RPTOR: variants seen among roughly 807,000 people sequenced by gnomAD.
RPTOR encodes regulatory associated protein of MTOR complex 1, also known as regulatory-associated protein of mTOR.
A neutral mutation model predicts 169.9 loss-of-function variants in RPTOR; 21 were observed. The observed-to-expected ratio is 0.12, with a 90% CI of 0.09 to 0.18. RPTOR has a LOEUF of 0.18. Among genes scored for constraint, RPTOR ranks in the 10% least tolerant of loss-of-function variants. The pLI, the probability that RPTOR is intolerant of heterozygous loss-of-function variation, is 1.00. For missense variants in RPTOR, 1,133 were observed against 1,855.9 expected (o/e 0.61, Z 7.16); for synonymous variants, 732 against 753.2 (o/e 0.97, Z 0.46).
At chr17:80,571,622 T>C (rs143313235) in intron 1 of RPTOR, among the ~76,000 whole-genome samples, 12 of 151,088 alleles carry the variant, frequency 7.9e-5, no homozygotes, top group Admixed American at 3.3e-4. Context: ...CTGGGCTCAA[T>C]TGATCCTCTC....
intron 1 of RPTOR, among the ~76,000 whole-genome samples, chr17:80,558,446 T>C (rs2084438382): frequency 6.6e-6 from 1 of 152,244 alleles, no homozygotes; most frequent in Non-Finnish European, 1.5e-5. Flanking sequence ...GCTGTCGGTA[T>C]ATTTTTCAGG....
At chr17:80,613,057 GTAAGATGAAGGCC>G (rs1033865918) in intron 1 of RPTOR, among the ~76,000 whole-genome samples, 1 of 152,188 alleles carries the variant, frequency 6.6e-6, no homozygotes, top group African/African-American at 2.4e-5. Context: ...TGCATCTCCT[GTAAGATGAAGGCC>G]CCCCTGCCCT....
intron 28 of RPTOR, among the ~76,000 whole-genome samples, chr17:80,952,752 G>A (rs1193591933): frequency 6.6e-6 from 1 of 152,088 alleles, no homozygotes. Flanking sequence ...GAGTCACCAG[G>A]AGGATCGTGC....
At chr17:80,810,821 G>C (rs1215143621) in intron 7 of RPTOR, among the ~76,000 whole-genome samples, 2 of 152,104 alleles carry the variant, frequency 1.3e-5, no homozygotes, top group African/African-American at 4.8e-5. Flanking sequence ...TGGTGCCTTG[G>C]AGCTTTATCT....
At chr17:80,584,466 C>T (rs993087488) in intron 1 of RPTOR, among the ~76,000 whole-genome samples, 3 of 152,026 alleles carry the variant, frequency 2.0e-5, no homozygotes, top group Non-Finnish European at 2.9e-5. Flanking sequence ...TCCTGACCAC[C>T]GAGAACAAAG....
In RPTOR at chr17:80,632,089, C is replaced by G. The variant is rs547131295; in HGVS notation, c.265+6296C>G. ...CTTCCAGGCTGCTTGTCCCCCACACCCCATGATGGAGCAGCTGTGTTTTGT... is the reference window on the plus strand; with the variant it reads ...CTTCCAGGCTGCTTGTCCCCCACACGCCATGATGGAGCAGCTGTGTTTTGT... On this transcript the variant is annotated intron_variant, in intron 2 of 33. Coordinates refer to ENST00000306801, the MANE Select transcript of RPTOR (RefSeq NM_020761.3). 1.4e-4 allele frequency among the ~76,000 whole-genome samples: 22 copies of G among 152,294 alleles called. No homozygotes were observed. In the East Asian group the frequency reaches 2.5e-3, roughly 17 times the overall value.
intron 1 of RPTOR, among the ~76,000 whole-genome samples, chr17:80,587,232 T>C (rs1276439651): frequency 6.6e-6 from 1 of 152,262 alleles, no homozygotes; most frequent in Non-Finnish European, 1.5e-5. Flanking sequence ...TTTTATCAAC[T>C]GTTTGTGCAT....
Position 80,786,154 on chromosome 17 carries a change from C to T in RPTOR, c.831-5296C>T, listed in dbSNP as rs1213647318. 2.0e-5 allele frequency among the ~76,000 whole-genome samples: 3 copies of T among 152,318 alleles called. No individual in the cohort carries two copies. The East Asian group carries it at 5.8e-4, about 29-fold the overall frequency. ...GGAGAGTGAAAGTTAGACTGACGCA[C>T]TTTTGCGTGACACATGTCTGTATGA... On this transcript the variant is annotated intron_variant, in intron 6 of 33. Transcript: ENST00000306801.
chr17:80,731,147 G>A lies in RPTOR; in HGVS notation c.654+441G>A, dbSNP rs2066389418. ...GTGTGCCTCAGCCTGCAAAGTTCTG[G>A]GATTACAGGCTTGAGCACTGAGCCC... On this transcript the variant is annotated intron_variant, in intron 5 of 33. Transcript: ENST00000306801. 2.6e-5 allele frequency among the ~76,000 whole-genome samples: 4 copies of A among 152,054 alleles called. No individual in the cohort carries two copies. The South Asian group carries it at 8.3e-4, about 32-fold the overall frequency.
At chr17:80,798,484 C>T (rs1213251373) in intron 7 of RPTOR, among the ~76,000 whole-genome samples, 1 of 152,034 alleles carries the variant, frequency 6.6e-6, no homozygotes, top group East Asian at 1.9e-4. Context: ...CTTGGGACAC[C>T]AGTCCCTCAG....
At chr17:80,923,910 C>T (rs752876110) in intron 23 of RPTOR, 2 of 547,150 alleles carry the variant, frequency 3.7e-6, no homozygotes, top group Non-Finnish European at 6.4e-6. Context: ...GGTCCCTCTG[C>T]CTGCACTCTT....
At chr17:80,580,543 G>T (rs2065005303) in intron 1 of RPTOR, among the ~76,000 whole-genome samples, 1 of 152,230 alleles carries the variant, frequency 6.6e-6, no homozygotes, top group African/African-American at 2.4e-5. Context: ...ATATGTTTAT[G>T]GGTCAGTTTC....
intron 3 of RPTOR, among the ~76,000 whole-genome samples, chr17:80,655,700 G>A (rs1391696191): frequency 1.3e-5 from 2 of 151,984 alleles, no homozygotes; most frequent in Non-Finnish European, 2.9e-5. Flanking sequence ...TCAGCCTCAG[G>A]AGTATGTAGG....
At chr17:80,683,866 C>A (rs560381996) in intron 3 of RPTOR, among the ~76,000 whole-genome samples, 2 of 152,296 alleles carry the variant, frequency 1.3e-5, no homozygotes, top group East Asian at 3.9e-4. Context: ...CAAGTCCTGG[C>A]ATCAGCCACG....
At chr17:80,769,536 A>G (rs1474607259) in intron 6 of RPTOR, among the ~76,000 whole-genome samples, 3 of 152,190 alleles carry the variant, frequency 2.0e-5, no homozygotes, top group African/African-American at 7.2e-5. Context: ...TATGAGACAC[A>G]GTCCCTGTGT....
At chr17:80,795,563 A>T (rs1202910932) in intron 7 of RPTOR, among the ~76,000 whole-genome samples, 12 of 146,612 alleles carry the variant, frequency 8.2e-5, no homozygotes, top group African/African-American at 2.5e-4. Context: ...CTAAAGGTTT[A>T]TTTTTTTTTT....
intron 3 of RPTOR, among the ~76,000 whole-genome samples, chr17:80,683,194 T>C (rs1355412500): frequency 2.0e-5 from 3 of 152,234 alleles, no homozygotes; most frequent in South Asian, 2.1e-4. Context: ...CACGGCTTTT[T>C]GATGGCACTT....
rs1256617653 is a variant in RPTOR at position 80,957,365 on chromosome 17, C to T, written c.3371-259C>T. ...CTTAGAACTGTCACCCCAGCCTGGA[C>T]TTGGGAGTTCCAGCTCAGAATTGTC... On this transcript the variant is annotated intron_variant, in intron 28 of 33. Transcript: ENST00000306801. This position sits in a 1 kb window ranked among gnomAD's most constrained non-coding sequence, Gnocchi z 4.6. Among the ~76,000 whole-genome samples, 2 of 152,014 alleles carry T rather than the reference C, an allele frequency of 1.3e-5. No homozygotes were observed. The highest frequency in any genetic ancestry group is 2.4e-5 in the African/African-American group (1 of 41,360).
At chr17:80,760,300 CTTTTTTCTTTTT>C (rs1162158807) in intron 6 of RPTOR, among the ~76,000 whole-genome samples, 1 of 96,500 alleles carries the variant, frequency 1.0e-5, no homozygotes, top group Non-Finnish European at 2.0e-5. Flanking sequence ...TTTCTTTTTT[CTTTTTTCTTTTT>C]TTTTTTTTTG....
Sources: gnomAD v4.1 joint callset for allele counts (sites outside exome capture counted in the v4.1 genomes callset) on GRCh38, gnomAD v4.1.1 for gene constraint, Gnocchi (gnomAD v3.1) non-coding constraint, MANE v1.5 for transcripts, NCBI Gene and HGNC (gene_info 2026-07-23, HGNC 2026-07-21) for gene names.